The following C3orf70 variants were observed in gnomAD, a reference collection of about 807,000 sequenced individuals.
C3orf70 encodes the protein chromosome 3 open reading frame 70, also known as UPF0524 protein C3orf70.
C3orf70 carries 15 observed loss-of-function variants against 20.7 expected under a neutral mutation model. The observed-to-expected ratio is 0.72, with a 90% CI of 0.48 to 1.11. The LOEUF (loss-of-function observed/expected upper bound fraction) is 1.11, where lower values mean the gene tolerates loss of function less well. Among genes scored for constraint, C3orf70 ranks in the 50% most tolerant of loss-of-function variants. The probability of loss-of-function intolerance (pLI) is 0.00; values close to 1 mark genes in which losing one functional copy is unlikely to be tolerated. For synonymous variants in C3orf70, 161 were observed against 125.7 expected, an observed-to-expected ratio of 1.28 and a Z score of -1.88; for missense variants, 332 against 317.6, an observed-to-expected ratio of 1.05 and a Z score of -0.34.
intron 1 of C3orf70, among the ~76,000 whole-genome samples, chr3:185,121,454 T>C (rs755865123): frequency 1.3e-5 from 2 of 151,448 alleles, no homozygotes; most frequent in Non-Finnish European, 2.9e-5. Context: ...GAAGAGGTAA[T>C]GTTTAAGAAG....
At chr3:185,149,024 T>C (rs1023814476) in intron 1 of C3orf70, among the ~76,000 whole-genome samples, 2 of 152,260 alleles carry the variant, frequency 1.3e-5, no homozygotes, top group African/African-American at 4.8e-5. Context: ...CTCATTTTAG[T>C]ATTCTCAGAT....
chr3:185,139,601 T>G (rs1716708532), intron 1 of C3orf70, among the ~76,000 whole-genome samples: 1 of 150,148 alleles, frequency 6.7e-6, no homozygotes, highest in Non-Finnish European at 1.5e-5. Flanking sequence ...CTTATACAGC[T>G]ATAGTAGGCA....
intron 1 of C3orf70, among the ~76,000 whole-genome samples, chr3:185,113,989 C>T (rs757213907): frequency 2.0e-5 from 3 of 152,236 alleles, no homozygotes; most frequent in South Asian, 2.1e-4. Context: ...CACCTGAGGT[C>T]GGGAGTTTCA....
intron 1 of C3orf70, among the ~76,000 whole-genome samples, chr3:185,127,834 G>A (rs1204915087): frequency 6.6e-6 from 1 of 152,106 alleles, no homozygotes. Flanking sequence ...AGATACAACA[G>A]CTTTAAAAAA....
intron 1 of C3orf70, among the ~76,000 whole-genome samples, chr3:185,115,460 A>C (rs1300790509): frequency 1.3e-5 from 2 of 152,136 alleles, no homozygotes; most frequent in Admixed American, 6.5e-5. Flanking sequence ...GTATCCTTCC[A>C]TATGGAGAGA....
chr3:185,107,428 G>T (rs952672520), intron 1 of C3orf70, among the ~76,000 whole-genome samples: 1 of 152,134 alleles, frequency 6.6e-6, no homozygotes, highest in South Asian at 2.1e-4. Flanking sequence ...TATGTCCCTG[G>T]TATGGGACTA....
In C3orf70 at chr3:185,083,571, G is replaced by C. The variant is rs1184413875; in HGVS notation, c.197-8C>G. ...GCTGATACATGTATTTGCCTGTGAA[G>C]ACACAAAAAGACACTTGAAATCTAT... On this transcript the variant is annotated splice_region_variant and splice_polypyrimidine_tract_variant and intron_variant, in intron 1 of 1. Transcript: ENST00000335012. 6.4e-7 allele frequency: 1 copy of C among 1,551,790 alleles called. No individual in the cohort carries two copies. Among genetic ancestry groups the C allele is most frequent in the Non-Finnish European group, 8.7e-7 (1 of 1,152,956 alleles).
chr3:185,100,157 A>C (rs892395861), intron 1 of C3orf70, among the ~76,000 whole-genome samples: 2 of 152,198 alleles, frequency 1.3e-5, no homozygotes, highest in Admixed American at 6.5e-5. Context: ...AAAAATTAAA[A>C]AAGATACTCA....
rs7647201 is a variant in C3orf70 at position 185,104,235 on chromosome 3, C to T, written c.197-20672G>A. Among the ~76,000 whole-genome samples, 1,420 of 152,294 alleles carry T rather than the reference C, an allele frequency of 9.3e-3. 20 individuals carry two copies. The highest frequency in any genetic ancestry group is 0.033 in the African/African-American group (1,351 of 41,546). ...ATTCTCTTGGTTGTGAGATGATGAG[C>T]TTGGGTAACACCTTAAGACAACAAG... On this transcript the variant is annotated intron_variant, in intron 1 of 1. Transcript: ENST00000335012.
At chr3:185,112,758 C>T (rs1716099701) in intron 1 of C3orf70, among the ~76,000 whole-genome samples, 1 of 152,116 alleles carries the variant, frequency 6.6e-6, no homozygotes, top group African/African-American at 2.4e-5. Context: ...ATCTAATTCT[C>T]CTCCCTCCTC....
chr3:185,142,371 TGCTTGACCCTA>T (rs951569205), intron 1 of C3orf70, among the ~76,000 whole-genome samples: 7 of 152,172 alleles, frequency 4.6e-5, no homozygotes, highest in Non-Finnish European at 1.0e-4. Context: ...GTGGAAGGAC[TGCTTGACCCTA>T]GGAAGGTTGC....
chr3:185,121,124 C>T (rs1716289530), intron 1 of C3orf70, among the ~76,000 whole-genome samples: 1 of 152,048 alleles, frequency 6.6e-6, no homozygotes, highest in Non-Finnish European at 1.5e-5. Flanking sequence ...TAAAGTAACT[C>T]AGGAATGGAA....
At chr3:185,119,404 G>A (rs2108598518) in intron 1 of C3orf70, among the ~76,000 whole-genome samples, 1 of 152,254 alleles carries the variant, frequency 6.6e-6, no homozygotes, top group East Asian at 1.9e-4. Flanking sequence ...TGTAATCCCG[G>A]CATTTTGGGA....
intron 1 of C3orf70, among the ~76,000 whole-genome samples, chr3:185,129,798 A>C (rs1002537215): frequency 6.6e-6 from 1 of 152,252 alleles, no homozygotes; most frequent in Admixed American, 6.5e-5. Context: ...AAACAAAAGA[A>C]AATTATAACA....
intron 1 of C3orf70, among the ~76,000 whole-genome samples, chr3:185,110,547 G>GCC (rs543519113): frequency 6.5e-4 from 98 of 151,142 alleles, no homozygotes; most frequent in African/African-American, 2.4e-3. Context: ...TTAGGAGCAG[G>GCC]CCCCCCCTCA....
intron 1 of C3orf70, among the ~76,000 whole-genome samples, chr3:185,125,735 G>A (rs1716397049): frequency 6.6e-6 from 1 of 152,122 alleles, no homozygotes. Flanking sequence ...AGTGGACAAA[G>A]CTACATGCTA....
At chr3:185,121,456 T>C (rs1333090430) in intron 1 of C3orf70, among the ~76,000 whole-genome samples, 2 of 152,006 alleles carry the variant, frequency 1.3e-5, no homozygotes, top group East Asian at 1.9e-4. Context: ...AGAGGTAATG[T>C]TTAAGAAGAG....
chr3:185,136,283 A>G (rs1716619245), intron 1 of C3orf70, among the ~76,000 whole-genome samples: 1 of 152,228 alleles, frequency 6.6e-6, no homozygotes, highest in South Asian at 2.1e-4. Context: ...TGTATGCATC[A>G]GACAAAAGAA....
intron 1 of C3orf70, among the ~76,000 whole-genome samples, chr3:185,135,078 T>C (rs1452767169): frequency 6.6e-6 from 1 of 152,132 alleles, no homozygotes; most frequent in Admixed American, 6.5e-5. Flanking sequence ...CTTCATATAA[T>C]GGAAAAATGT....
Sources: gnomAD v4.1 joint callset for allele counts (sites outside exome capture counted in the v4.1 genomes callset) on GRCh38, gnomAD v4.1.1 for gene constraint, MANE v1.5 for transcripts, NCBI Gene and HGNC (gene_info 2026-07-23, HGNC 2026-07-21) for gene names.